CACNA2D3: variants seen among roughly 807,000 people sequenced by gnomAD.
CACNA2D3 encodes voltage-dependent calcium channel subunit alpha-2/delta-3.
In CACNA2D3, 60 loss-of-function variants were observed where a neutral mutation model predicts 160.6. The observed-to-expected ratio is 0.37, with a 90% CI of 0.30 to 0.46. The LOEUF is 0.46. CACNA2D3 is among the 20% of genes least tolerant of loss of function. The pLI is 1.00. For synonymous variants in CACNA2D3, 558 were observed against 492.9 expected (o/e 1.13, Z -1.75); for missense variants, 1,205 against 1,365.0 (o/e 0.88, Z 1.85).
intron 11 of CACNA2D3, among the ~76,000 whole-genome samples, chr3:54,750,600 G>A (rs1701837464): frequency 6.6e-6 from 1 of 152,144 alleles, no homozygotes; most frequent in Admixed American, 6.5e-5. Context: ...TCTCTCATGA[G>A]CTGCAACTTT....
intron 27 of CACNA2D3, chr3:54,918,353 T>TTTGTTTTTTTTTG (rs1700723542): frequency 2.8e-6 from 1 of 363,130 alleles, no homozygotes; most frequent in Non-Finnish European, 4.6e-6. Flanking sequence ...TTTTTTTTTT[T>TTTGTTTTTTTTTG]TTGTCTTTTG....
intron 13 of CACNA2D3, among the ~76,000 whole-genome samples, chr3:54,783,082 C>G (rs889339064): frequency 3.3e-5 from 5 of 152,136 alleles, no homozygotes; most frequent in African/African-American, 1.2e-4. Context: ...AAATGGAATT[C>G]AACCTTGGGT....
chr3:54,556,123 T>C (rs1174632210), intron 5 of CACNA2D3, among the ~76,000 whole-genome samples: 3 of 152,194 alleles, frequency 2.0e-5, no homozygotes, highest in African/African-American at 7.2e-5. Flanking sequence ...TCAGAGAACA[T>C]TGAACATTGG....
chr3:54,893,244 C>G (rs982356375), intron 25 of CACNA2D3, among the ~76,000 whole-genome samples: 1 of 152,090 alleles, frequency 6.6e-6, no homozygotes, highest in Non-Finnish European at 1.5e-5. Context: ...TCACTGCACT[C>G]CAGCCTGGGC....
chr3:54,475,518 A>G (rs1172533357), intron 4 of CACNA2D3, among the ~76,000 whole-genome samples: 1 of 151,802 alleles, frequency 6.6e-6, no homozygotes, highest in Non-Finnish European at 1.5e-5. Context: ...TAGTCAACAT[A>G]CTTGGGAGGT....
intron 9 of CACNA2D3, among the ~76,000 whole-genome samples, chr3:54,625,519 G>GA: frequency 6.6e-6 from 1 of 151,992 alleles, no homozygotes; most frequent in Non-Finnish European, 1.5e-5. Context: ...CACCAGGCAG[G>GA]CTTCAATAAT....
intron 3 of CACNA2D3, among the ~76,000 whole-genome samples, chr3:54,322,817 A>T (rs974676004): frequency 1.3e-5 from 2 of 151,468 alleles, no homozygotes; most frequent in Admixed American, 6.6e-5. Flanking sequence ...ATTAGTGAAG[A>T]TAAAAAAAAA....
intron 4 of CACNA2D3, among the ~76,000 whole-genome samples, chr3:54,442,232 T>A (rs1327894917): frequency 2.0e-5 from 3 of 152,140 alleles, no homozygotes; most frequent in Non-Finnish European, 4.4e-5. Flanking sequence ...TCTCTCAGCC[T>A]CCCTTGCATC....
At chr3:54,411,463 A>G (rs1575440870) in intron 4 of CACNA2D3, among the ~76,000 whole-genome samples, 2 of 152,354 alleles carry the variant, frequency 1.3e-5, no homozygotes, top group South Asian at 4.1e-4. Flanking sequence ...GCAGCCATCA[A>G]CATGGAGTCA....
chr3:54,619,805 T>C (rs1698943561), intron 9 of CACNA2D3, among the ~76,000 whole-genome samples: 1 of 151,926 alleles, frequency 6.6e-6, no homozygotes, highest in African/African-American at 2.4e-5. Context: ...AAGATAATAT[T>C]GGCTCTGCAC....
Position 54,989,153 on chromosome 3 carries a change from G to T in CACNA2D3, c.2690+1400G>T, listed in dbSNP as rs185187522. 2.6e-3 allele frequency among the ~76,000 whole-genome samples: 392 copies of T among 152,276 alleles called. 1 individual carries two copies. Among genetic ancestry groups the T allele is most frequent in the African/African-American group, 9.0e-3 (373 of 41,546 alleles). On this transcript the variant is annotated intron_variant, in intron 31 of 37. Transcript: ENST00000474759. ...ATGTTAACTTCTTTTCAACTTGGTG[G>T]GGGGAGGAGACAAAAGATGAGGAAT...
chr3:54,693,204 G>A (rs570895614), intron 11 of CACNA2D3, among the ~76,000 whole-genome samples: 1 of 152,316 alleles, frequency 6.6e-6, no homozygotes, highest in South Asian at 2.1e-4. Context: ...TAAAATGTGG[G>A]AAGGTCATTA....
intron 27 of CACNA2D3, among the ~76,000 whole-genome samples, chr3:54,934,295 C>T (rs552081289): frequency 6.6e-6 from 1 of 152,296 alleles, no homozygotes. Context: ...TATCTGGAAG[C>T]TCTGACTCAG....
At chr3:54,854,596 C>T (rs1699126734) in intron 17 of CACNA2D3, among the ~76,000 whole-genome samples, 1 of 152,086 alleles carries the variant, frequency 6.6e-6, no homozygotes, top group South Asian at 2.1e-4. Context: ...CCCAGGCTAC[C>T]AGGAATCACA....
chr3:54,436,696 G>A (rs1700065329), intron 4 of CACNA2D3, among the ~76,000 whole-genome samples: 1 of 152,180 alleles, frequency 6.6e-6, no homozygotes, highest in African/African-American at 2.4e-5. Context: ...ACCAAACACT[G>A]CGTGTTCTCA....
chr3:54,775,521 G>A (rs1397823813), intron 13 of CACNA2D3, among the ~76,000 whole-genome samples: 1 of 152,088 alleles, frequency 6.6e-6, no homozygotes, highest in South Asian at 2.1e-4. Flanking sequence ...AAGTAATCAG[G>A]TGTCAACCTC....
rs569220630 is a variant in CACNA2D3, at chr3:54,722,788, G to A, written c.1168-29811G>A. On this transcript the variant is annotated intron_variant, in intron 11 of 37. Coordinates refer to ENST00000474759, the MANE Select transcript of CACNA2D3 (RefSeq NM_018398.3). Reference sequence around the variant, plus strand: ...GAGGCTTCGTCCCAGAGGGGCACCTGCCAGATGCCAGCCAGAGCTCTCCTG... The same window carrying A: ...GAGGCTTCGTCCCAGAGGGGCACCTACCAGATGCCAGCCAGAGCTCTCCTG... Among the ~76,000 whole-genome samples, 7 of 152,308 alleles carry A rather than the reference G, an allele frequency of 4.6e-5. No individual in the cohort carries two copies. The East Asian group carries it at 1.2e-3, about 25-fold the overall frequency.
chr3:54,717,576 ATG>A (rs1433732679), intron 11 of CACNA2D3, among the ~76,000 whole-genome samples: 2 of 85,354 alleles, frequency 2.3e-5, no homozygotes, highest in Non-Finnish European at 4.6e-5. Context: ...TGTGGTGTGT[ATG>A]TGTGCGTGTG....
chr3:54,824,340 A>T (rs903809122), intron 14 of CACNA2D3, among the ~76,000 whole-genome samples: 6 of 152,218 alleles, frequency 3.9e-5, no homozygotes, highest in Admixed American at 3.3e-4. Flanking sequence ...CCCACCCAAC[A>T]TGAGCCTCAG....
Sources: allele counts gnomAD v4.1 joint callset (sites outside exome capture counted in the v4.1 genomes callset), GRCh38; gene constraint gnomAD v4.1.1; transcripts MANE v1.5; gene names NCBI Gene and HGNC (gene_info 2026-07-23, HGNC 2026-07-21).